NRG1: variants seen among roughly 807,000 people sequenced by gnomAD.
NRG1 encodes pro-neuregulin-1, membrane-bound isoform.
NRG1 carries 18 observed loss-of-function variants against 63.8 expected under a neutral mutation model. That is an observed-to-expected ratio of 0.28 (90% CI 0.19 to 0.42). The LOEUF (loss-of-function observed/expected upper bound fraction) is 0.42. NRG1 is among the 10% of genes least tolerant of loss of function. The pLI is 1.00. For synonymous variants in NRG1, 302 were observed against 301.3 expected (o/e 1.00, Z -0.02); for missense variants, 762 against 814.7 (o/e 0.94, Z 0.79).
At chr8:32,207,103 T>C (rs1450524143) in intron 1 of NRG1, among the ~76,000 whole-genome samples, 1 of 152,214 alleles carries the variant, frequency 6.6e-6, no homozygotes, top group Non-Finnish European at 1.5e-5. Context: ...AGATGTCAAA[T>C]GTGTGGAAAA....
chr8:31,819,068 A>G lies in NRG1; in HGVS notation c.37+179637A>G, dbSNP rs910324860. 1.3e-4 allele frequency among the ~76,000 whole-genome samples: 19 copies of G among 151,802 alleles called. 1 individual carries two copies. The highest frequency in any genetic ancestry group is 1.5e-5 in the Non-Finnish European group (1 of 67,934). On this transcript the variant is annotated intron_variant, in intron 1 of 10. Coordinates refer to the NRG1 transcript ENST00000519301. The stretch of plus-strand genomic sequence containing the variant: ...GACTTCTTCTCAAAAACAAAACAAA[A>G]CAAAAACTTAAAGAGTTATTTGAGC...
chr8:31,663,897 G>C (rs1195892981), intron 1 of NRG1, among the ~76,000 whole-genome samples: 1 of 152,156 alleles, frequency 6.6e-6, no homozygotes, highest in African/African-American at 2.4e-5. Context: ...AGAAAGCAAA[G>C]AGAGTAGGTA....
rs570046059 is a variant in NRG1 at position 32,574,936 on chromosome 8, T to C, written c.101-20892T>C. The stretch of plus-strand genomic sequence containing the variant: ...CTTCAATCCTGTTCAGAATGCCAGA[T>C]TGTGAGAGAATCAGTTATGCTTCAA... On this transcript the variant is annotated intron_variant, in intron 1 of 11. Coordinates refer to ENST00000356819, the Ensembl canonical transcript of NRG1. Among the ~76,000 whole-genome samples the C allele has an allele frequency of 3.3e-5, 5 of 152,306 alleles. No homozygotes were observed. In the East Asian group the frequency reaches 9.6e-4, roughly 29 times the overall value.
intron 1 of NRG1, among the ~76,000 whole-genome samples, chr8:31,714,670 G>A (rs1346852372): frequency 6.6e-6 from 1 of 152,086 alleles, no homozygotes; most frequent in Non-Finnish European, 1.5e-5. Context: ...TCATCTATAT[G>A]CATCTATCCA....
At chr8:31,881,519 AAG>A (rs1427415843) in intron 1 of NRG1, among the ~76,000 whole-genome samples, 2 of 152,186 alleles carry the variant, frequency 1.3e-5, no homozygotes, top group African/African-American at 4.8e-5. Context: ...CTAACTGTTC[AAG>A]TGTAAGGAAG....
intron 1 of NRG1, chr8:32,220,940 A>C (rs1283771705): frequency 1.3e-5 from 2 of 152,192 alleles, no homozygotes; most frequent in African/African-American, 4.8e-5. Context: ...GCAATTCATC[A>C]CAGTCCACAA....
chr8:32,247,380 G>A (rs1443387962), intron 1 of NRG1, among the ~76,000 whole-genome samples: 1 of 152,056 alleles, frequency 6.6e-6, no homozygotes, highest in Non-Finnish European at 1.5e-5. Flanking sequence ...TCCTAGGGAA[G>A]GTTAAGCATC....
intron 1 of NRG1, among the ~76,000 whole-genome samples, chr8:32,285,228 C>T (rs1376695870): frequency 6.6e-6 from 1 of 152,132 alleles, no homozygotes; most frequent in Non-Finnish European, 1.5e-5. Context: ...AGCCCAAATG[C>T]ATCACCTGTT....
At chr8:32,616,689 T>G (rs907210209) in intron 4 of NRG1, 146 bp from the exon 5 acceptor site, 2 of 709,008 alleles carry the variant, frequency 2.8e-6, no homozygotes, top group Non-Finnish European at 5.2e-6. Flanking sequence ...GAGTATTGCA[T>G]TCTGACTTAT....
intron 11 of NRG1, among the ~76,000 whole-genome samples, chr8:32,762,446 G>A (rs1431908701): frequency 6.6e-6 from 1 of 152,088 alleles, no homozygotes; most frequent in African/African-American, 2.4e-5. Context: ...ACTTTTATAT[G>A]TTGGTTGAAT....
intron 1 of NRG1, among the ~76,000 whole-genome samples, chr8:31,879,137 C>A (rs1485452674): frequency 6.6e-6 from 1 of 152,174 alleles, no homozygotes; most frequent in Non-Finnish European, 1.5e-5. Flanking sequence ...CACTCACCTG[C>A]AAGGATAATT....
At chr8:31,768,955 A>G (rs1818345542) in intron 1 of NRG1, among the ~76,000 whole-genome samples, 1 of 152,192 alleles carries the variant, frequency 6.6e-6, no homozygotes. Flanking sequence ...ACCATGGAGT[A>G]TCTCATAGTT....
intron 1 of NRG1, among the ~76,000 whole-genome samples, chr8:32,468,877 A>T (rs1208752256): frequency 6.6e-6 from 1 of 152,174 alleles, no homozygotes; most frequent in Non-Finnish European, 1.5e-5. Flanking sequence ...GGAGGGGAAG[A>T]ACATGAACAA....
Position 32,742,615 on chromosome 8 carries a change from T to C in NRG1, c.633-60T>C. The C allele has an allele frequency of 1.3e-6, 2 of 1,495,026 alleles. No homozygotes were observed. Among genetic ancestry groups the C allele is most frequent in the Non-Finnish European group, 1.9e-6 (2 of 1,074,954 alleles). The allele number at this position is 1,495,026 out of a possible 1,614,324, so 92.6% of individuals were successfully genotyped here. A position where few individuals can be genotyped will look rare whatever the true frequency, so the allele number is the denominator to read the frequency against. ...ACTGAAGGAGCTTCTTTCTAGCATATATTCACCTCTTCTCTTTTTCTCTGT... is the reference window on the plus strand; with the variant it reads ...ACTGAAGGAGCTTCTTTCTAGCATACATTCACCTCTTCTCTTTTTCTCTGT... On this transcript the variant is annotated intron_variant, in intron 6 of 11. Coordinates refer to ENST00000356819, the Ensembl canonical transcript of NRG1. This position sits in a 1 kb window ranked among gnomAD's most constrained non-coding sequence, Gnocchi z 4.2.
chr8:32,054,136 C>A (rs1822452789), intron 1 of NRG1, among the ~76,000 whole-genome samples: 1 of 151,998 alleles, frequency 6.6e-6, no homozygotes, highest in African/African-American at 2.4e-5. Flanking sequence ...TCCTTTTTGC[C>A]CACCACTGCA....
intron 1 of NRG1, among the ~76,000 whole-genome samples, chr8:32,024,727 G>A (rs977780003): frequency 2.0e-5 from 3 of 152,092 alleles, no homozygotes; most frequent in Non-Finnish European, 2.9e-5. Flanking sequence ...AGTCACAAAA[G>A]AATAAGAAGT....
In NRG1 at chr8:32,555,394, A is replaced by G. The variant is rs186066868; in HGVS notation, c.100+6568A>G. Among the ~76,000 whole-genome samples, 5 of 152,346 alleles carry G rather than the reference A, an allele frequency of 3.3e-5. No homozygotes were observed. In the East Asian group the frequency reaches 7.7e-4, roughly 24 times the overall value. ...CTCAACCCAGGGGCAACAAATGTTT[A>G]GGAGCCCCACTTTGATTGAGTGCAC... On this transcript the variant is annotated intron_variant, in intron 1 of 11. Coordinates refer to ENST00000356819, the Ensembl canonical transcript of NRG1.
At chr8:32,242,009 T>C (rs1315618019) in intron 1 of NRG1, among the ~76,000 whole-genome samples, 1 of 152,140 alleles carries the variant, frequency 6.6e-6, no homozygotes, top group Non-Finnish European at 1.5e-5. Flanking sequence ...AGACTTGTCC[T>C]CCTAGAGTGT....
chr8:32,133,216 G>A (rs1053931134), intron 1 of NRG1, among the ~76,000 whole-genome samples: 6 of 151,960 alleles, frequency 3.9e-5, no homozygotes, highest in Non-Finnish European at 7.4e-5. Flanking sequence ...ATTCATATAC[G>A]CATTTGTGTG....
Sources: allele counts gnomAD v4.1 joint callset (sites outside exome capture counted in the v4.1 genomes callset), GRCh38; gene constraint gnomAD v4.1.1; non-coding constraint Gnocchi (gnomAD v3.1); transcripts MANE v1.5; gene names NCBI Gene and HGNC (gene_info 2026-07-23, HGNC 2026-07-21).